DMKN: variants seen among roughly 807,000 people sequenced by gnomAD.
DMKN encodes the protein epidermis-specific secreted protein SK30/SK89.
DMKN carries 58 observed loss-of-function variants against 67.6 expected under a neutral mutation model. The observed-to-expected ratio is 0.86, with a 90% CI of 0.69 to 1.07. The LOEUF (loss-of-function observed/expected upper bound fraction) is 1.07. Among genes scored for constraint, DMKN ranks in the 50% least tolerant of loss-of-function variants. The probability of loss-of-function intolerance (pLI) is 0.00; values close to 1 mark genes in which losing one functional copy is unlikely to be tolerated. For synonymous variants in DMKN, 240 were observed against 232.3 expected (o/e 1.03, Z -0.30); for missense variants, 596 against 601.5 (o/e 0.99, Z 0.10).
At chr19:35,509,526 T>A (rs2070314511) in intron 7 of DMKN, 1 of 169,924 alleles carries the variant, frequency 5.9e-6, no homozygotes, top group African/African-American at 2.4e-5. Flanking sequence ...CCACAGGTGC[T>A]GACATAAAGC....
chr19:35,503,211 CA>C, intron 9 of DMKN: 1 of 1,437,980 alleles, frequency 7.0e-7, no homozygotes, highest in Non-Finnish European at 9.1e-7. Flanking sequence ...GGGCCTCCTC[CA>C]GCCCGTTTCC....
intron 5 of DMKN, 83 bp downstream of exon 5, chr19:35,511,328 T>C (rs766653312): frequency 4.4e-6 from 7 of 1,587,810 alleles, no homozygotes; most frequent in Non-Finnish European, 6.0e-6. Context: ...GCGGCAGCTT[T>C]CAGAGAAACT....
intron 5 of DMKN, 98 bp from the exon 6 acceptor site, chr19:35,510,350 G>A (rs546251543): frequency 6.4e-7 from 1 of 1,552,596 alleles, no homozygotes; most frequent in East Asian, 2.4e-5. Context: ...ACCCCAATCA[G>A]ATTCCAGTCC....
intron 7 of DMKN, chr19:35,507,411 T>C: frequency 1.3e-6 from 2 of 1,517,506 alleles, no homozygotes; most frequent in Non-Finnish European, 1.8e-6. Flanking sequence ...TTAGCATGCT[T>C]CACCATCCCT....
At chr19:35,506,022 C>T (rs1199494533) in intron 7 of DMKN, 36 bp from the exon 8 acceptor site, 3 of 1,613,962 alleles carry the variant, frequency 1.9e-6, no homozygotes, top group African/African-American at 2.7e-5. Flanking sequence ...GAGAGAAGAA[C>T]CCACTTTGTG....
chr19:35,511,420 C>T lies in DMKN; in HGVS notation c.909G>A (p.Glu303=), dbSNP rs747089125. The T allele has an allele frequency of 2.8e-5, 45 of 1,589,556 alleles. No individual in the cohort carries two copies. Among genetic ancestry groups the T allele is most frequent in the Non-Finnish European group, 3.4e-5 (40 of 1,173,180 alleles). ...SGGSRGDSGS[E]SSWGSSTGSS... is the part of the protein sequence containing the mutation. ...GAGGTGCCAAACTCACCCAGGAGGA[C>T]TCACTGCCGCTGTCACCTCTGCTGC... The change falls in exon 5 of 16, where the codon GAG becomes GAA. Residue 303 remains glutamate, a synonymous_variant. Coordinates refer to ENST00000339686, the MANE Select transcript of DMKN (RefSeq NM_033317.5).
chr19:35,501,359 T>G (rs914055577), intron 11 of DMKN, among the ~76,000 whole-genome samples: 13 of 152,206 alleles, frequency 8.5e-5, no homozygotes, highest in African/African-American at 3.1e-4. Context: ...TATTTTTTGC[T>G]TGGTCTACTT....
chr19:35,498,716 CT>C lies in DMKN; in HGVS notation c.1430del (p.Ter477TrpfsTer77). On this transcript the variant is annotated frameshift_variant and stop_lost and splice_region_variant, in exon 15 of 16. Transcript: ENST00000339686. LOFTEE classifies it high-confidence loss of function. ...TGGGTCGGCTCACTCTGACACTCAC[CT>C]ACCAAAACTTCACCCACTGCAGCAG... is the stretch of plus-strand genomic sequence containing the variant. The part of the protein sequence containing the change: ...PGLLQWVKFW[*>X] 1 of 1,614,076 alleles carries C rather than the reference CT, an allele frequency of 6.2e-7. No individual in the cohort carries two copies. Among genetic ancestry groups the C allele is most frequent in the South Asian group, 1.1e-5 (1 of 91,082 alleles).
At chr19:35,511,948 C>CCTTCCCAT in intron 3 of DMKN, 135 bp from the exon 4 acceptor site, 2 of 993,848 alleles carry the variant, frequency 2.0e-6, no homozygotes, top group Non-Finnish European at 2.9e-6. Context: ...TCCCACCTCC[C>CCTTCCCAT]CTTCCCATCT....
intron 12 of DMKN, 170 bp downstream of exon 12, chr19:35,500,363 T>C (rs562332938): frequency 3.0e-5 from 47 of 1,551,590 alleles, no homozygotes; most frequent in Admixed American, 3.9e-5. Context: ...AGCGGGTCCA[T>C]GGTAGATGTC....
chr19:35,502,081 T>C (rs2068492667), intron 11 of DMKN, 55 bp downstream of exon 11: 8 of 1,612,302 alleles, frequency 5.0e-6, no homozygotes, highest in Non-Finnish European at 5.1e-6. Flanking sequence ...GGTCAGCGGC[T>C]CGCCCAGGGC....
intron 7 of DMKN, 126 bp downstream of exon 7, chr19:35,509,785 G>A (rs999062660): frequency 1.3e-5 from 15 of 1,147,484 alleles, no homozygotes; most frequent in Non-Finnish European, 1.8e-5. Flanking sequence ...GGTTTCTTCT[G>A]CCGAAATAGT....
intron 7 of DMKN, among the ~76,000 whole-genome samples, chr19:35,509,279 A>T (rs138853439): frequency 1.2e-4 from 19 of 152,104 alleles, no homozygotes; most frequent in Middle Eastern, 3.4e-3. Context: ...ATTTTTTTTT[A>T]AAAAAACCAG....
chr19:35,504,990 C>T (rs2146007704), intron 9 of DMKN, among the ~76,000 whole-genome samples: 1 of 151,706 alleles, frequency 6.6e-6, no homozygotes, highest in South Asian at 2.1e-4. Flanking sequence ...TGAAGTCTCT[C>T]CATGTTTAAA....
At position 35,502,142 on chromosome 19, in the gene DMKN, AATTGC is replaced by A. The variant is rs1568572728; in HGVS notation, c.1228_1232del (p.Ala410TyrfsTer2). ...GAAGTCCTGCCCCCCTTACCTCAAT[AATTGC>A]TTTCCAGTTGAGGAAAGGAGTGTTC... On this transcript the variant is annotated frameshift_variant, in exon 11 of 16. Coordinates refer to ENST00000339686, the MANE Select transcript of DMKN (RefSeq NM_033317.5). LOFTEE classifies it high-confidence loss of function. The A allele has an allele frequency of 6.2e-7, 1 of 1,613,958 alleles. No homozygotes were observed. The highest frequency in any genetic ancestry group is 1.1e-5 in the South Asian group (1 of 91,078).
At chr19:35,512,861 A>T in intron 1 of DMKN, 71 bp from the exon 2 acceptor site, 1 of 1,555,598 alleles carries the variant, frequency 6.4e-7, no homozygotes, top group Non-Finnish European at 8.7e-7. Flanking sequence ...AGGGCAAATC[A>T]TAAAGAGACC....
intron 5 of DMKN, among the ~76,000 whole-genome samples, chr19:35,510,884 C>T (rs1463675418): frequency 1.3e-5 from 2 of 152,148 alleles, no homozygotes; most frequent in Non-Finnish European, 2.9e-5. Flanking sequence ...CAGTGAGGCC[C>T]GGGGCCCTGG....
intron 13 of DMKN, 151 bp from the exon 14 acceptor site, chr19:35,499,048 G>A (rs541540517): frequency 1.8e-6 from 2 of 1,106,462 alleles, no homozygotes; most frequent in African/African-American, 1.6e-5. Context: ...CATTCAGGCT[G>A]TGGAGTTGGT....
At chr19:35,506,732 G>C (rs1427888036) in intron 7 of DMKN, 1 of 327,936 alleles carries the variant, frequency 3.0e-6, no homozygotes, top group East Asian at 8.4e-5. Flanking sequence ...ATTTTTTTGA[G>C]GCTGGGCATC....
Sources: allele counts gnomAD v4.1 joint callset (sites outside exome capture counted in the v4.1 genomes callset), GRCh38; gene constraint gnomAD v4.1.1; transcripts MANE v1.5; gene names NCBI Gene and HGNC (gene_info 2026-07-23, HGNC 2026-07-21).